The following OPCML variants were observed in gnomAD, a reference collection of about 807,000 sequenced individuals.
The protein encoded by OPCML is opioid binding protein/cell adhesion molecule like.
A neutral mutation model predicts 37.8 loss-of-function variants in OPCML; 13 were observed. The ratio of observed to expected loss-of-function variants is 0.34; its 90% CI spans 0.22 to 0.55. OPCML has a LOEUF of 0.55. Ranked by LOEUF, OPCML falls within the 20% of genes least tolerant of loss-of-function variation. OPCML has a pLI of 0.91. For missense variants in OPCML, 341 were observed against 435.6 expected (o/e 0.78, Z 1.93); for synonymous variants, 176 against 168.8 (o/e 1.04, Z -0.33).
intron 7 of OPCML, among the ~76,000 whole-genome samples, chr11:132,423,935 C>A (rs570140521): frequency 6.6e-6 from 1 of 152,262 alleles, no homozygotes; most frequent in South Asian, 2.1e-4. Context: ...AGATTGAGTA[C>A]AGTTTTCTTA....
chr11:132,900,919 G>A (rs1319494297), intron 2 of OPCML, among the ~76,000 whole-genome samples: 1 of 152,170 alleles, frequency 6.6e-6, no homozygotes, highest in Non-Finnish European at 1.5e-5. Context: ...GGGGCCGGGT[G>A]CAGTGACTCA....
rs759709063 is a variant in OPCML, at chr11:132,420,223, G to A, written c.987C>T (p.Thr329=). Residue 329 remains threonine, a synonymous_variant, in exon 8 of 8, where the codon ACC becomes ACT. Transcript: ENST00000524381. ...ACTTGATGAAGAAGTGGGCTAAGAG[G>A]GTCCCTGATAGCCAGAGACAAGCCA... ...RALACLWLSG[T]LLAHFFIKF The A allele has an allele frequency of 9.3e-6, 15 of 1,613,754 alleles. No homozygotes were observed. The highest frequency in any genetic ancestry group is 1.3e-5 in the Non-Finnish European group (15 of 1,179,872).
intron 1 of OPCML, among the ~76,000 whole-genome samples, chr11:133,304,150 G>C (rs184901537): frequency 6.6e-6 from 1 of 152,202 alleles, no homozygotes; most frequent in Non-Finnish European, 1.5e-5. Context: ...ATCCACAAGG[G>C]AGGTAAGCGT....
chr11:132,811,208 T>C (rs757093366), intron 2 of OPCML, among the ~76,000 whole-genome samples: 18 of 152,168 alleles, frequency 1.2e-4, no homozygotes, highest in Non-Finnish European at 2.4e-4. Context: ...TCATTTCGTC[T>C]CTAGGTTGGG....
At chr11:133,432,149 G>A (rs999844732) in intron 1 of OPCML, among the ~76,000 whole-genome samples, 1 of 152,032 alleles carries the variant, frequency 6.6e-6, no homozygotes, top group Admixed American at 6.6e-5. Flanking sequence ...AAGGTACTAT[G>A]CTCATTACCT....
intron 1 of OPCML, among the ~76,000 whole-genome samples, chr11:132,955,197 A>T (rs534745026): frequency 1.3e-5 from 2 of 152,098 alleles, no homozygotes; most frequent in Non-Finnish European, 2.9e-5. Context: ...GTCTTATTTC[A>T]TCTTCAGCAT....
chr11:133,321,769 C>T (rs1167005657), intron 1 of OPCML, among the ~76,000 whole-genome samples: 1 of 152,098 alleles, frequency 6.6e-6, no homozygotes, highest in Non-Finnish European at 1.5e-5. Context: ...GTGCCAAGTG[C>T]CAACCGGTTA....
At chr11:132,661,788 A>G (rs77518115) in intron 2 of OPCML, among the ~76,000 whole-genome samples, 1,659 of 152,376 alleles carry the variant, frequency 0.011, 21 homozygotes, top group African/African-American at 0.026. Context: ...TGCACCAGGC[A>G]TAGTTGTAAG....
intron 2 of OPCML, among the ~76,000 whole-genome samples, chr11:132,674,043 A>G (rs1257570046): frequency 1.3e-5 from 2 of 152,204 alleles, no homozygotes; most frequent in African/African-American, 4.8e-5. Flanking sequence ...TGTATGGTTG[A>G]AGAGGCTCTT....
At position 133,152,197 on chromosome 11, in the gene OPCML, C is replaced by G. The variant is rs75122698; in HGVS notation, c.62-209187G>C. Among the ~76,000 whole-genome samples the G allele has an allele frequency of 3.7e-3, 562 of 152,232 alleles. 1 individual carries two copies. Among genetic ancestry groups the G allele is most frequent in the African/African-American group, 0.013 (537 of 41,528 alleles). On this transcript the variant is annotated intron_variant, in intron 1 of 7. Transcript: ENST00000524381. The stretch of plus-strand genomic sequence containing the variant: ...AAGAGGAATGATTTAAAAAGAGGGT[C>G]AGATACCCCTTCCAATCTCCTTCCT...
chr11:133,388,134 A>C (rs2136802033), intron 1 of OPCML, among the ~76,000 whole-genome samples: 1 of 152,306 alleles, frequency 6.6e-6, no homozygotes, highest in East Asian at 1.9e-4. Flanking sequence ...CGCACCATGA[A>C]GCCACCTGCC....
At chr11:132,788,089 C>A (rs1947284712) in intron 2 of OPCML, among the ~76,000 whole-genome samples, 1 of 152,118 alleles carries the variant, frequency 6.6e-6, no homozygotes, top group African/African-American at 2.4e-5. Context: ...CCATGTTGGC[C>A]AGGATGATCT....
intron 1 of OPCML, among the ~76,000 whole-genome samples, chr11:132,992,330 C>A (rs1448774335): frequency 2.0e-5 from 3 of 151,960 alleles, no homozygotes; most frequent in African/African-American, 7.3e-5. Flanking sequence ...TATGTATATA[C>A]ATGTATAAAA....
At chr11:133,419,635 G>A (rs147751438) in intron 1 of OPCML, among the ~76,000 whole-genome samples, 2 of 152,108 alleles carry the variant, frequency 1.3e-5, no homozygotes, top group Non-Finnish European at 2.9e-5. Flanking sequence ...TGTGTTTGTA[G>A]CCTAAAATTG....
chr11:132,608,872 C>T (rs1315229514), intron 3 of OPCML, among the ~76,000 whole-genome samples: 1 of 152,178 alleles, frequency 6.6e-6, no homozygotes, highest in Non-Finnish European at 1.5e-5. Context: ...CTTCCTCCTG[C>T]TCCACTGTGT....
chr11:133,103,558 A>G (rs1372970357), intron 1 of OPCML, among the ~76,000 whole-genome samples: 1 of 152,242 alleles, frequency 6.6e-6, no homozygotes, highest in Non-Finnish European at 1.5e-5. Context: ...TACAAGGTGA[A>G]AAGCCTTTTG....
At chr11:132,767,472 T>C (rs1388916055) in intron 2 of OPCML, among the ~76,000 whole-genome samples, 1 of 152,206 alleles carries the variant, frequency 6.6e-6, no homozygotes, top group African/African-American at 2.4e-5. Flanking sequence ...CACTAATTCC[T>C]TCTGAACTTC....
At chr11:133,382,574 C>G (rs1944953442) in intron 1 of OPCML, among the ~76,000 whole-genome samples, 1 of 152,204 alleles carries the variant, frequency 6.6e-6, no homozygotes. Flanking sequence ...ATTTATTGCT[C>G]TTGGCAGCGT....
chr11:132,708,679 T>C (rs1944136850), intron 2 of OPCML, among the ~76,000 whole-genome samples: 1 of 152,174 alleles, frequency 6.6e-6, no homozygotes, highest in African/African-American at 2.4e-5. Flanking sequence ...ATATGATCTT[T>C]GCTCCTTGAG....
Sources: allele counts gnomAD v4.1 joint callset (sites outside exome capture counted in the v4.1 genomes callset), GRCh38; gene constraint gnomAD v4.1.1; transcripts MANE v1.5; gene names NCBI Gene and HGNC (gene_info 2026-07-23, HGNC 2026-07-21).